Variants in SNTG1 observed in about 807,000 individuals in gnomAD.
The protein encoded by SNTG1 is syntrophin gamma 1.
In SNTG1, 39 loss-of-function variants were observed where a neutral mutation model predicts 74.7. The observed-to-expected ratio is 0.52, with a 90% CI of 0.40 to 0.68. The LOEUF (loss-of-function observed/expected upper bound fraction) is 0.68, where lower values mean the gene tolerates loss of function less well. Ranked by LOEUF, SNTG1 falls within the 30% of genes least tolerant of loss-of-function variation. The pLI is 0.00. For synonymous variants in SNTG1, 254 were observed against 217.1 expected (o/e 1.17, Z -1.49); for missense variants, 685 against 609.5 (o/e 1.12, Z -1.30).
intron 4 of SNTG1, among the ~76,000 whole-genome samples, chr8:50,406,659 G>C (rs1474246858): frequency 6.6e-6 from 1 of 152,030 alleles, no homozygotes; most frequent in Non-Finnish European, 1.5e-5. Context: ...TATTTGCTGT[G>C]GGTTTTTCAT....
intron 4 of SNTG1, among the ~76,000 whole-genome samples, chr8:50,407,426 A>T (rs2092892345): frequency 6.6e-6 from 1 of 152,200 alleles, no homozygotes; most frequent in South Asian, 2.1e-4. Flanking sequence ...GATTGCTATC[A>T]GGCAGTTTAC....
At chr8:50,350,955 G>C (rs1197296989) in intron 2 of SNTG1, among the ~76,000 whole-genome samples, 1 of 152,208 alleles carries the variant, frequency 6.6e-6, no homozygotes, top group Non-Finnish European at 1.5e-5. Context: ...GGCTGTGGAA[G>C]CTTTGTTCTT....
chr8:50,030,949 T>C (rs373093714), intron 1 of SNTG1, among the ~76,000 whole-genome samples: 1 of 151,962 alleles, frequency 6.6e-6, no homozygotes, highest in Non-Finnish European at 1.5e-5. Context: ...ATTTACTATG[T>C]TGAGTATTCT....
intron 8 of SNTG1, among the ~76,000 whole-genome samples, chr8:50,495,949 A>G (rs2093900152): frequency 6.6e-6 from 1 of 152,188 alleles, no homozygotes; most frequent in South Asian, 2.1e-4. Context: ...TCCTGTAAAA[A>G]GCCAAGTTCT....
In SNTG1 at chr8:50,514,910, G is replaced by T. The variant is rs186003340; in HGVS notation, c.466+12030G>T. On this transcript the variant is annotated intron_variant, in intron 9 of 18. Transcript: ENST00000642720. ...ATATATTTGGATATTTGGCTGTTAG[G>T]TGCCTATATATATTTATAATTGTTA... Among the ~76,000 whole-genome samples the T allele has an allele frequency of 2.8e-3, 422 of 152,156 alleles. 2 individuals carry two copies. The highest frequency in any genetic ancestry group is 5.2e-3 in the Non-Finnish European group (354 of 67,990).
At position 49,986,443 on chromosome 8, in the gene SNTG1, T is replaced by C. The variant is rs530195219; in HGVS notation, c.-103+74212T>C. 6.0e-4 allele frequency among the ~76,000 whole-genome samples: 91 copies of C among 152,252 alleles called. 1 individual carries two copies. Among genetic ancestry groups the C allele is most frequent in the African/African-American group, 2.1e-3 (89 of 41,534 alleles). On this transcript the variant is annotated intron_variant, in intron 1 of 18. Coordinates refer to ENST00000642720, the MANE Select transcript of SNTG1 (RefSeq NM_018967.5). ...TGGAGGTATCACACCAGGCAAATCA[T>C]TGGGATTGTGCAATATTAATGACTT...
At chr8:50,705,261 T>A (rs544147171) in intron 16 of SNTG1, among the ~76,000 whole-genome samples, 1 of 152,322 alleles carries the variant, frequency 6.6e-6, no homozygotes, top group African/African-American at 2.4e-5. Context: ...ATACTCCTTC[T>A]ACAACTATCC....
At chr8:50,712,661 C>A (rs1403087709) in intron 17 of SNTG1, among the ~76,000 whole-genome samples, 1 of 151,954 alleles carries the variant, frequency 6.6e-6, no homozygotes, top group East Asian at 1.9e-4. Context: ...CCCATATCCC[C>A]ACCCCTCAAC....
chr8:50,421,081 A>G (rs2093080141), intron 4 of SNTG1, among the ~76,000 whole-genome samples: 1 of 149,996 alleles, frequency 6.7e-6, no homozygotes, highest in East Asian at 2.0e-4. Context: ...GGGACATTTA[A>G]ATGAAAGTAA....
intron 2 of SNTG1, among the ~76,000 whole-genome samples, chr8:50,243,257 A>G (rs1327954877): frequency 6.6e-6 from 1 of 152,202 alleles, no homozygotes; most frequent in South Asian, 2.1e-4. Context: ...ATGTGACAGT[A>G]TTATCTGACA....
intron 1 of SNTG1, among the ~76,000 whole-genome samples, chr8:50,111,764 TA>T (rs1385452810): frequency 6.6e-6 from 1 of 151,982 alleles, no homozygotes; most frequent in Admixed American, 6.6e-5. Context: ...AAACTGAAAT[TA>T]TGAGTGACAA....
At chr8:50,115,575 A>AAAAAAAAAAAC (rs1422021656) in intron 1 of SNTG1, among the ~76,000 whole-genome samples, 2 of 144,776 alleles carry the variant, frequency 1.4e-5, no homozygotes, top group East Asian at 4.5e-4. Context: ...CTCAAAAAAA[A>AAAAAAAAAAAC]AAAAAAAAAA....
intron 1 of SNTG1, among the ~76,000 whole-genome samples, chr8:50,033,055 G>A (rs1039830387): frequency 2.0e-5 from 3 of 150,472 alleles, no homozygotes; most frequent in East Asian, 2.0e-4. Flanking sequence ...AAAATAAGAT[G>A]TTATAGATAA....
intron 2 of SNTG1, among the ~76,000 whole-genome samples, chr8:50,384,374 A>C (rs530999982): frequency 1.2e-4 from 19 of 152,340 alleles, no homozygotes; most frequent in South Asian, 2.1e-4. Flanking sequence ...TTAATAAGGC[A>C]TTCTGTAAAT....
At chr8:50,099,330 C>A (rs1054876716) in intron 1 of SNTG1, among the ~76,000 whole-genome samples, 1 of 152,074 alleles carries the variant, frequency 6.6e-6, no homozygotes. Context: ...TACAGCCACA[C>A]ATGGATACAC....
intron 8 of SNTG1, among the ~76,000 whole-genome samples, chr8:50,500,313 T>C (rs2093940567): frequency 6.6e-6 from 1 of 151,866 alleles, no homozygotes; most frequent in African/African-American, 2.4e-5. Flanking sequence ...AATTCTACTC[T>C]CTCTCATTCC....
At chr8:50,305,835 C>T (rs949913691) in intron 2 of SNTG1, among the ~76,000 whole-genome samples, 13 of 151,420 alleles carry the variant, frequency 8.6e-5, no homozygotes, top group African/African-American at 3.2e-4. Flanking sequence ...AACCCAGTAG[C>T]TCCAATTTAC....
chr8:50,655,824 CAAT>C (rs1408621641), intron 13 of SNTG1, among the ~76,000 whole-genome samples: 3 of 152,170 alleles, frequency 2.0e-5, no homozygotes, highest in Admixed American at 6.6e-5. Flanking sequence ...TGGAATACAA[CAAT>C]AAGTATTTCT....
At chr8:50,126,022 C>T (rs1167474802) in intron 1 of SNTG1, among the ~76,000 whole-genome samples, 1 of 152,082 alleles carries the variant, frequency 6.6e-6, no homozygotes, top group East Asian at 1.9e-4. Context: ...CTTTTCCTGC[C>T]ATGCTTTGAA....
Sources: gnomAD v4.1 joint callset for allele counts (sites outside exome capture counted in the v4.1 genomes callset) on GRCh38, gnomAD v4.1.1 for gene constraint, MANE v1.5 for transcripts, NCBI Gene and HGNC (gene_info 2026-07-23, HGNC 2026-07-21) for gene names.